Variants in SLC25A21 observed in about 807,000 individuals in gnomAD.
SLC25A21 encodes solute carrier family 25 member 21, also known as mitochondrial 2-oxodicarboxylate carrier.
A neutral mutation model predicts 43.8 loss-of-function variants in SLC25A21; 47 were observed. The ratio of observed to expected loss-of-function variants is 1.07; its 90% CI spans 0.85 to 1.37. SLC25A21 has a LOEUF of 1.37. Among genes scored for constraint, SLC25A21 ranks in the 40% most tolerant of loss-of-function variants. The probability of loss-of-function intolerance (pLI) is 0.00; values close to 1 mark genes in which losing one functional copy is unlikely to be tolerated. For synonymous variants in SLC25A21, 131 were observed against 121.3 expected, an observed-to-expected ratio of 1.08 and a Z score of -0.52; for missense variants, 352 against 350.2, an observed-to-expected ratio of 1.00 and a Z score of -0.04.
chr14:37,131,135 C>T (rs1489382696), intron 1 of SLC25A21, among the ~76,000 whole-genome samples: 2 of 152,160 alleles, frequency 1.3e-5, no homozygotes, highest in East Asian at 1.9e-4. Flanking sequence ...ATAATTTGTG[C>T]ACCTTTCCAT....
At chr14:37,033,337 T>A in intron 1 of SLC25A21, among the ~76,000 whole-genome samples, 1 of 152,232 alleles carries the variant, frequency 6.6e-6, no homozygotes, top group East Asian at 1.9e-4. Flanking sequence ...CCTACGTATA[T>A]ACTATATTTT....
rs1886511806 is a variant in SLC25A21 at position 36,768,920 on chromosome 14, CCT to C, written c.204-34349_204-34348del. On this transcript the variant is annotated intron_variant, in intron 3 of 9. Transcript: ENST00000331299. ...GGTCAGCTTGAGCAACAAAGTGAGACCTCTGTCTCTACCAAAAAAAAAAAAAA... is the reference window on the plus strand; with the variant it reads ...GGTCAGCTTGAGCAACAAAGTGAGACCTGTCTCTACCAAAAAAAAAAAAAA... 9.2e-5 allele frequency among the ~76,000 whole-genome samples: 13 copies of C among 140,792 alleles called. No homozygotes were observed. In the South Asian group the frequency reaches 2.9e-3, roughly 31 times the overall value. 92.4% of individuals were successfully genotyped at this position (140,792 alleles called of 152,430 possible).
intron 1 of SLC25A21, among the ~76,000 whole-genome samples, chr14:36,933,944 A>G (rs1026697903): frequency 6.6e-6 from 1 of 152,176 alleles, no homozygotes; most frequent in Admixed American, 6.5e-5. Flanking sequence ...CCAAGACTTC[A>G]GCACCATAAG....
Position 36,915,395 on chromosome 14 carries a change from G to A in SLC25A21, c.71-40391C>T, listed in dbSNP as rs572937891. Among the ~76,000 whole-genome samples the A allele has an allele frequency of 1.1e-4, 16 of 152,172 alleles. No homozygotes were observed. The East Asian group carries it at 2.9e-3, about 28-fold the overall frequency. On this transcript the variant is annotated intron_variant, in intron 1 of 9. Transcript: ENST00000331299. ...ATTATAGCAGAAGCACAGCAAAAGG[G>A]GTGGAGACAATTGGATGCAGGGATG...
intron 9 of SLC25A21, among the ~76,000 whole-genome samples, chr14:36,682,869 C>T (rs1882344739): frequency 6.6e-6 from 1 of 152,110 alleles, no homozygotes; most frequent in Admixed American, 6.5e-5. Context: ...AGCTGTTCAC[C>T]AGCTTCAATT....
chr14:37,143,761 G>A (rs1259990001), intron 1 of SLC25A21, among the ~76,000 whole-genome samples: 1 of 152,162 alleles, frequency 6.6e-6, no homozygotes, highest in East Asian at 1.9e-4. Context: ...CAATGGAGCA[G>A]ACAGGGCCAG....
At chr14:36,984,315 T>C (rs1013115390) in intron 1 of SLC25A21, among the ~76,000 whole-genome samples, 1 of 152,168 alleles carries the variant, frequency 6.6e-6, no homozygotes, top group Admixed American at 6.5e-5. Context: ...GCTCATGATA[T>C]TGTTTGAAAA....
intron 3 of SLC25A21, among the ~76,000 whole-genome samples, chr14:36,795,805 A>G (rs1187611840): frequency 6.6e-6 from 1 of 152,216 alleles, no homozygotes; most frequent in South Asian, 2.1e-4. Context: ...CCAAACCCAT[A>G]GTACGAATTG....
rs896824604 is a variant in SLC25A21 at position 36,823,521 on chromosome 14, C to A, written c.120-9520G>T. On this transcript the variant is annotated intron_variant, in intron 2 of 9. Transcript: ENST00000331299. ...CTCTTACTACATTGTCCCACCTGCA[C>A]TGACCTAGGCTGGCCACTACAGTGG... Among the ~76,000 whole-genome samples, 167 of 152,278 alleles carry A rather than the reference C, an allele frequency of 1.1e-3. 2 individuals are homozygous for A. The highest frequency in any genetic ancestry group is 3.9e-3 in the African/African-American group (161 of 41,552).
At chr14:36,715,626 A>C (rs960905709) in intron 6 of SLC25A21, among the ~76,000 whole-genome samples, 2 of 152,234 alleles carry the variant, frequency 1.3e-5, no homozygotes, top group Admixed American at 1.3e-4. Context: ...CAATCTGAAA[A>C]GCATGGAAGA....
chr14:36,830,713 C>T lies in SLC25A21; in HGVS notation c.120-16712G>A, dbSNP rs1480737790. On this transcript the variant is annotated intron_variant, in intron 2 of 9. Coordinates refer to ENST00000331299, the MANE Select transcript of SLC25A21 (RefSeq NM_030631.4). The stretch of plus-strand genomic sequence containing the variant: ...TTCAAAATTAATATATTCCTAAGGC[C>T]TAGTACTGCTGCCCTTCACCACACA... Among the ~76,000 whole-genome samples, 4 of 152,060 alleles carry T rather than the reference C, an allele frequency of 2.6e-5. No homozygotes were observed. In the East Asian group the frequency reaches 7.7e-4, roughly 29 times the overall value.
At chr14:37,003,621 T>A (rs1960536551) in intron 1 of SLC25A21, among the ~76,000 whole-genome samples, 1 of 152,164 alleles carries the variant, frequency 6.6e-6, no homozygotes, top group Non-Finnish European at 1.5e-5. Flanking sequence ...ATGGATTAAT[T>A]TCATAGACAT....
intron 1 of SLC25A21, among the ~76,000 whole-genome samples, chr14:37,113,691 T>C (rs931547487): frequency 3.3e-5 from 5 of 151,696 alleles, no homozygotes; most frequent in African/African-American, 9.7e-5. Flanking sequence ...CTGTCTCCAC[T>C]AAAAACACAA....
Position 37,172,592 on chromosome 14 carries a change from G to A in SLC25A21, c.-242C>T, listed in dbSNP as rs367556676. 2.9e-6 allele frequency: 2 copies of A among 691,924 alleles called. No homozygotes were observed. The highest frequency in any genetic ancestry group is 5.3e-6 in the Non-Finnish European group (2 of 378,300). 42.9% of individuals were successfully genotyped at this position (691,924 alleles called of 1,614,324 possible). A position where few individuals can be genotyped will look rare whatever the true frequency, so the allele number is the denominator to read the frequency against. On this transcript the variant is annotated 5_prime_UTR_variant, in exon 1 of 10. Transcript: ENST00000331299. ...CAGAGGCGCCCTCGGCTCCGAAAAT[G>A]TCTCTGGAAAGAAGACCCGCGGATG...
At chr14:36,982,151 C>T in intron 1 of SLC25A21, among the ~76,000 whole-genome samples, 1 of 152,150 alleles carries the variant, frequency 6.6e-6, no homozygotes, top group Non-Finnish European at 1.5e-5. Context: ...AAAAGTTCAG[C>T]ACCAAATTAT....
At chr14:36,804,505 G>A (rs927271920) in intron 3 of SLC25A21, among the ~76,000 whole-genome samples, 35 of 152,090 alleles carry the variant, frequency 2.3e-4, no homozygotes, top group Admixed American at 1.2e-3. Flanking sequence ...CTACCTGCTA[G>A]GGCTCTTATG....
intron 1 of SLC25A21, among the ~76,000 whole-genome samples, chr14:37,080,485 T>G (rs1426158942): frequency 6.6e-6 from 1 of 152,036 alleles, no homozygotes; most frequent in East Asian, 1.9e-4. Context: ...CTGTGTTCCC[T>G]GCTACTCAGG....
chr14:37,052,897 A>G (rs1961739937), intron 1 of SLC25A21, among the ~76,000 whole-genome samples: 1 of 152,146 alleles, frequency 6.6e-6, no homozygotes, highest in African/African-American at 2.4e-5. Context: ...TTCGGCCTCC[A>G]AAAGTGTTAA....
chr14:36,739,810 C>T (rs61994948), intron 3 of SLC25A21, among the ~76,000 whole-genome samples: 33,115 of 152,152 alleles, frequency 0.22, 4,046 homozygotes, highest in Middle Eastern at 0.31. Flanking sequence ...GCCCATACTC[C>T]GTGCTTAGAG....
Sources: gnomAD v4.1 joint callset for allele counts (sites outside exome capture counted in the v4.1 genomes callset) on GRCh38, gnomAD v4.1.1 for gene constraint, MANE v1.5 for transcripts, NCBI Gene and HGNC (gene_info 2026-07-23, HGNC 2026-07-21) for gene names.